NETO1: variants seen among roughly 807,000 people sequenced by gnomAD.
NETO1 encodes neuropilin and tolloid like 1, also known as neuropilin and tolloid-like protein 1.
A neutral mutation model predicts 61.3 loss-of-function variants in NETO1; 26 were observed. That is an observed-to-expected ratio of 0.42 (90% CI 0.31 to 0.59). The LOEUF (loss-of-function observed/expected upper bound fraction) is 0.59. Ranked by LOEUF, NETO1 falls within the 20% of genes least tolerant of loss-of-function variation. The probability of loss-of-function intolerance (pLI) is 0.12; values close to 1 mark genes in which losing one functional copy is unlikely to be tolerated. For synonymous variants in NETO1, 225 were observed against 225.8 expected, an observed-to-expected ratio of 1.00 and a Z score of 0.03; for missense variants, 531 against 662.8, an observed-to-expected ratio of 0.80 and a Z score of 2.18.
chr18:72,777,436 C>CA (rs1402664802), intron 7 of NETO1, among the ~76,000 whole-genome samples: 1 of 82,392 alleles, frequency 1.2e-5, no homozygotes, highest in African/African-American at 7.0e-5. Context: ...AAAAACAAAA[C>CA]AACAACAAAA....
chr18:72,794,552 TTAAATAAAAAGTGCA>T, intron 4 of NETO1, 148 bp from the exon 5 acceptor site: 1 of 712,012 alleles, frequency 1.4e-6, no homozygotes, highest in Non-Finnish European at 2.3e-6. Context: ...AAGTAAATGA[TTAAATAAAAAGTGCA>T]TAATGATGTT....
intron 4 of NETO1, among the ~76,000 whole-genome samples, chr18:72,838,075 C>T (rs2073812269): frequency 1.3e-5 from 2 of 152,170 alleles, no homozygotes; most frequent in African/African-American, 4.8e-5. Flanking sequence ...CATCACCATC[C>T]CCTATGACAG....
chr18:72,786,850 T>C (rs987746044), intron 6 of NETO1, among the ~76,000 whole-genome samples: 1 of 151,340 alleles, frequency 6.6e-6, no homozygotes, highest in Non-Finnish European at 1.5e-5. Flanking sequence ...AGATGACCTT[T>C]ATTAGAAAGC....
At chr18:72,813,885 C>G (rs567146615) in intron 4 of NETO1, among the ~76,000 whole-genome samples, 1 of 151,940 alleles carries the variant, frequency 6.6e-6, no homozygotes, top group African/African-American at 2.4e-5. Context: ...GTTTTCAAAA[C>G]TGTTGAAAAA....
intron 7 of NETO1, among the ~76,000 whole-genome samples, chr18:72,762,858 AG>A: frequency 6.6e-6 from 1 of 152,210 alleles, no homozygotes; most frequent in Non-Finnish European, 1.5e-5. Flanking sequence ...ATTATGTAGC[AG>A]GGGACGACAA....
intron 4 of NETO1, among the ~76,000 whole-genome samples, chr18:72,806,757 C>T (rs2072687266): frequency 6.6e-6 from 1 of 152,162 alleles, no homozygotes; most frequent in Non-Finnish European, 1.5e-5. Context: ...TGACTGACTT[C>T]CATTTCTTAG....
rs1047887282 is a variant in NETO1 at position 72,744,193 on chromosome 18, A to G, written c.*3986T>C. 2 of 152,210 alleles carry G rather than the reference A, an allele frequency of 1.3e-5. No individual in the cohort carries two copies. Among genetic ancestry groups the G allele is most frequent in the African/African-American group, 4.8e-5 (2 of 41,458 alleles). 9.4% of individuals were successfully genotyped at this position (152,210 alleles called of 1,614,324 possible). A position where few individuals can be genotyped will look rare whatever the true frequency, so the allele number is the denominator to read the frequency against. On this transcript the variant is annotated 3_prime_UTR_variant, in exon 11 of 11. Transcript: ENST00000327305. ...TGATGAGTTGATATGAGTGTCTGAC[A>G]TCAGTCACCCTAATTGTTATTTTTA...
intron 4 of NETO1, among the ~76,000 whole-genome samples, chr18:72,802,762 T>C (rs1416321946): frequency 6.6e-6 from 1 of 152,220 alleles, no homozygotes; most frequent in Non-Finnish European, 1.5e-5. Flanking sequence ...GCAGCTAGTG[T>C]TCACTGCATA....
Position 72,830,903 on chromosome 18 carries a change from C to A in NETO1, c.469+27923G>T, listed in dbSNP as rs1046151087. ...CTCTGAACATTGAGTTTTCATTTACCACTGCAGGAAAAACTGTACTTGATA... is the reference window on the plus strand; with the variant it reads ...CTCTGAACATTGAGTTTTCATTTACAACTGCAGGAAAAACTGTACTTGATA... On this transcript the variant is annotated intron_variant, in intron 4 of 10. Coordinates refer to ENST00000327305, the MANE Select transcript of NETO1 (RefSeq NM_138966.5). This position sits in a 1 kb window ranked among gnomAD's most constrained non-coding sequence, Gnocchi z 4.9. Among the ~76,000 whole-genome samples the A allele has an allele frequency of 6.6e-6, 1 of 151,982 alleles. No homozygotes were observed. Among genetic ancestry groups the A allele is most frequent in the Non-Finnish European group, 1.5e-5 (1 of 67,982 alleles).
chr18:72,819,083 A>C (rs1469768613), intron 4 of NETO1, among the ~76,000 whole-genome samples: 1 of 152,098 alleles, frequency 6.6e-6, no homozygotes, highest in African/African-American at 2.4e-5. Flanking sequence ...GAGTGAATCT[A>C]AGTCCATGTC....
At chr18:72,832,316 A>G (rs1272569187) in intron 4 of NETO1, among the ~76,000 whole-genome samples, 2 of 152,178 alleles carry the variant, frequency 1.3e-5, no homozygotes, top group African/African-American at 4.8e-5. Flanking sequence ...ATATTTTGGG[A>G]AAAACATTAT....
At chr18:72,811,641 C>A (rs1388221249) in intron 4 of NETO1, among the ~76,000 whole-genome samples, 1 of 151,974 alleles carries the variant, frequency 6.6e-6, no homozygotes, top group Non-Finnish European at 1.5e-5. Flanking sequence ...CACATCTCTA[C>A]AAAATAAAGT....
intron 4 of NETO1, among the ~76,000 whole-genome samples, chr18:72,819,039 AT>A (rs538368023): frequency 6.6e-5 from 10 of 152,096 alleles, no homozygotes; most frequent in Non-Finnish European, 1.2e-4. Context: ...GCTGTCCTTT[AT>A]TTTTTTAATC....
At chr18:72,815,612 A>C (rs2073007418) in intron 4 of NETO1, among the ~76,000 whole-genome samples, 1 of 152,224 alleles carries the variant, frequency 6.6e-6, no homozygotes, top group South Asian at 2.1e-4. Flanking sequence ...GATCCCATTA[A>C]GCAGCCAACA....
chr18:72,794,756 G>A (rs555166350), intron 4 of NETO1, among the ~76,000 whole-genome samples: 3 of 152,116 alleles, frequency 2.0e-5, no homozygotes, highest in African/African-American at 7.2e-5. Flanking sequence ...TCTATAACAG[G>A]AGAACAGACG....
At chr18:72,789,608 A>G (rs1568201884) in intron 6 of NETO1, among the ~76,000 whole-genome samples, 1 of 152,146 alleles carries the variant, frequency 6.6e-6, no homozygotes, top group Non-Finnish European at 1.5e-5. Context: ...ACACCCATGT[A>G]CTATCTACTA....
intron 6 of NETO1, among the ~76,000 whole-genome samples, chr18:72,785,761 T>G (rs1207402926): frequency 6.6e-6 from 1 of 152,178 alleles, no homozygotes; most frequent in Non-Finnish European, 1.5e-5. Context: ...ATAACCATTT[T>G]CAAAAAATCC....
chr18:72,813,188 G>C (rs1448245516), intron 4 of NETO1, among the ~76,000 whole-genome samples: 1 of 152,160 alleles, frequency 6.6e-6, no homozygotes, highest in Non-Finnish European at 1.5e-5. Flanking sequence ...CAATGTGCGA[G>C]AGAATTTTCA....
intron 4 of NETO1, among the ~76,000 whole-genome samples, chr18:72,814,662 T>C (rs2072973154): frequency 1.3e-5 from 2 of 152,022 alleles, no homozygotes; most frequent in African/African-American, 4.8e-5. Flanking sequence ...CTGTTTAAAA[T>C]GTTAGGAAAA....
Sources: gnomAD v4.1 joint callset for allele counts (sites outside exome capture counted in the v4.1 genomes callset) on GRCh38, gnomAD v4.1.1 for gene constraint, Gnocchi (gnomAD v3.1) non-coding constraint, MANE v1.5 for transcripts, NCBI Gene and HGNC (gene_info 2026-07-23, HGNC 2026-07-21) for gene names.